LARGE1: variants seen among roughly 807,000 people sequenced by gnomAD.
LARGE1 encodes xylosyl- and glucuronyltransferase LARGE1.
LARGE1 carries 43 observed loss-of-function variants against 87.6 expected under a neutral mutation model. That is an observed-to-expected ratio of 0.49 (90% CI 0.38 to 0.63). LARGE1 has a LOEUF of 0.63. Ranked by LOEUF, LARGE1 falls within the 30% of genes least tolerant of loss-of-function variation. The probability of loss-of-function intolerance (pLI) is 0.00; values close to 1 mark genes in which losing one functional copy is unlikely to be tolerated. For missense variants in LARGE1, 802 were observed against 1,000.2 expected (o/e 0.80, Z 2.67); for synonymous variants, 434 against 394.6 (o/e 1.10, Z -1.18).
chr22:33,894,830 T>C (rs1311525136), intron 1 of LARGE1, among the ~76,000 whole-genome samples: 1 of 152,144 alleles, frequency 6.6e-6, no homozygotes, highest in Non-Finnish European at 1.5e-5. Flanking sequence ...ATGAGAATCA[T>C]GAATCAAGCA....
At chr22:33,194,462 A>G (rs1029059969) in intron 11 of LARGE1, among the ~76,000 whole-genome samples, 3 of 152,106 alleles carry the variant, frequency 2.0e-5, no homozygotes, top group Non-Finnish European at 4.4e-5. Flanking sequence ...TTGATTTTCA[A>G]GGTTTAGAGA....
chr22:33,681,250 C>T (rs534488572), intron 2 of LARGE1, among the ~76,000 whole-genome samples: 1 of 152,242 alleles, frequency 6.6e-6, no homozygotes, highest in South Asian at 2.1e-4. Flanking sequence ...GTTGTCACCC[C>T]AAAACATTTG....
intron 11 of LARGE1, among the ~76,000 whole-genome samples, chr22:33,239,306 T>C (rs1382786494): frequency 6.6e-6 from 1 of 152,046 alleles, no homozygotes; most frequent in East Asian, 1.9e-4. Context: ...ATTAGTGTAA[T>C]TTACAGTCCT....
chr22:33,519,361 A>G (rs1040245135), intron 6 of LARGE1, among the ~76,000 whole-genome samples: 1 of 152,094 alleles, frequency 6.6e-6, no homozygotes, highest in Non-Finnish European at 1.5e-5. Flanking sequence ...CCCCAGAGAC[A>G]ATGAGTTTAA....
At chr22:33,903,080 C>A (rs1175489061) in intron 1 of LARGE1, among the ~76,000 whole-genome samples, 1 of 152,118 alleles carries the variant, frequency 6.6e-6, no homozygotes, top group African/African-American at 2.4e-5. Context: ...TGCACTGAGC[C>A]GAGATCAAGC....
chr22:33,922,722 A>G (rs1396908171), upstream of LARGE1: 2 of 152,238 alleles, frequency 1.3e-5, no homozygotes, highest in Admixed American at 6.5e-5. Context: ...AAAAAATACT[A>G]TCTAATATCC....
At chr22:33,630,605 T>A (rs1460031042) in intron 3 of LARGE1, among the ~76,000 whole-genome samples, 2 of 151,978 alleles carry the variant, frequency 1.3e-5, no homozygotes, top group East Asian at 3.9e-4. Flanking sequence ...GAGAAAAAAA[T>A]GGTACACCTG....
intron 11 of LARGE1, among the ~76,000 whole-genome samples, chr22:33,182,118 A>G (rs137378): frequency 0.61 from 92,242 of 152,008 alleles, 28,209 homozygotes; most frequent in Middle Eastern, 0.68. Context: ...CACCGCACCC[A>G]ACAGGGTATA....
chr22:33,832,089 T>G (rs912036407), intron 1 of LARGE1, among the ~76,000 whole-genome samples: 1 of 152,190 alleles, frequency 6.6e-6, no homozygotes, highest in Non-Finnish European at 1.5e-5. Flanking sequence ...CCTGGAAGCC[T>G]CTAGTCAGTG....
intron 6 of LARGE1, among the ~76,000 whole-genome samples, chr22:33,547,251 G>A (rs1182281647): frequency 6.6e-6 from 1 of 152,034 alleles, no homozygotes; most frequent in African/African-American, 2.4e-5. Context: ...GATGGTTTGG[G>A]GATGAAACTG....
At chr22:33,161,703 T>A (rs2146115793), downstream of LARGE1, among the ~76,000 whole-genome samples, 1 of 152,330 alleles carries the variant, frequency 6.6e-6, no homozygotes, top group South Asian at 2.1e-4. Flanking sequence ...ATGCAAGAGG[T>A]GGGCTTTCAC....
In LARGE1 at chr22:33,296,798, A is replaced by C. The variant is rs185583864; in HGVS notation, c.1730+7431T>G. Among the ~76,000 whole-genome samples the C allele has an allele frequency of 4.6e-3, 705 of 152,116 alleles. 5 individuals carry two copies. Among genetic ancestry groups the C allele is most frequent in the African/African-American group, 0.016 (681 of 41,498 alleles). The stretch of plus-strand genomic sequence containing the variant: ...TGGTCAGGCTGGTCTTGAACTCCCA[A>C]CCTCAGGTGATCTGCCCACCTCGGC... On this transcript the variant is annotated intron_variant, in intron 12 of 14. Coordinates refer to ENST00000397394, the MANE Select transcript of LARGE1 (RefSeq NM_133642.5).
intron 1 of LARGE1, among the ~76,000 whole-genome samples, chr22:33,871,031 A>G (rs1177104636): frequency 6.6e-6 from 1 of 152,246 alleles, no homozygotes. Context: ...TTGAACTCAG[A>G]AGGTCTGGTG....
At chr22:33,506,267 C>G (rs1331800850) in intron 6 of LARGE1, among the ~76,000 whole-genome samples, 2 of 152,132 alleles carry the variant, frequency 1.3e-5, no homozygotes, top group Non-Finnish European at 2.9e-5. Context: ...GGAGAGGCAG[C>G]TGCTGCTTTT....
intron 13 of LARGE1, among the ~76,000 whole-genome samples, chr22:33,282,886 C>T (rs1044810172): frequency 6.6e-6 from 1 of 152,156 alleles, no homozygotes; most frequent in African/African-American, 2.4e-5. Context: ...GCAGCAGGAA[C>T]CTAAACTGAG....
chr22:33,406,414 C>G (rs918876479), intron 7 of LARGE1, among the ~76,000 whole-genome samples: 1 of 152,240 alleles, frequency 6.6e-6, no homozygotes, highest in Non-Finnish European at 1.5e-5. Flanking sequence ...CTCCTATCCT[C>G]TCCGTCTTGA....
Position 33,859,374 on chromosome 22 carries a change from A to G in LARGE1, c.-83+60621T>C, listed in dbSNP as rs572434020. Among the ~76,000 whole-genome samples, 3 of 152,302 alleles carry G rather than the reference A, an allele frequency of 2.0e-5. No individual in the cohort carries two copies. The East Asian group carries it at 5.8e-4, about 29-fold the overall frequency. On this transcript the variant is annotated intron_variant, in intron 1 of 14. Coordinates refer to ENST00000397394, the MANE Select transcript of LARGE1 (RefSeq NM_133642.5). ...AGGTAGAAATGACACTAGGAAAACA[A>G]CGGGCACCCAACAGATACAAACAAA...
chr22:33,722,375 G>T (rs1177618666), intron 2 of LARGE1, among the ~76,000 whole-genome samples: 1 of 149,434 alleles, frequency 6.7e-6, no homozygotes, highest in East Asian at 2.0e-4. Context: ...AGAAAGGAAA[G>T]GAAGGAAAGG....
chr22:33,480,538 C>T (rs893672622), intron 6 of LARGE1, among the ~76,000 whole-genome samples: 1 of 152,108 alleles, frequency 6.6e-6, no homozygotes, highest in African/African-American at 2.4e-5. Context: ...AGAGGAGAAC[C>T]AGGCCCTGCT....
Sources: allele counts gnomAD v4.1 joint callset (sites outside exome capture counted in the v4.1 genomes callset), GRCh38; gene constraint gnomAD v4.1.1; transcripts MANE v1.5; gene names NCBI Gene and HGNC (gene_info 2026-07-23, HGNC 2026-07-21).